The following DMD variants were observed in gnomAD, a reference collection of about 807,000 sequenced individuals.
DMD encodes mutant dystrophin.
Under a neutral mutation model 330.1 loss-of-function variants are expected in DMD, and 63 were observed. The observed-to-expected ratio is 0.19, with a 90% CI of 0.16 to 0.24. The LOEUF is 0.24. Among genes scored for constraint, DMD ranks in the 10% least tolerant of loss-of-function variants. The pLI is 1.00. For missense variants in DMD, 3,344 were observed against 2,684.1 expected (o/e 1.25, Z -5.43); for synonymous variants, 1,223 against 959.8 (o/e 1.27, Z -5.07).
chrX:33,192,866 T>C (rs2018342595), intron 1 of DMD, among the ~76,000 whole-genome samples: 1 of 112,349 alleles, frequency 8.9e-6, no homozygotes, highest in Non-Finnish European at 1.9e-5. Context: ...TTGCGACTTA[T>C]GCTATTAGAT....
chrX:32,543,652 T>A (rs926175903), intron 17 of DMD, among the ~76,000 whole-genome samples: 2 of 112,227 alleles, frequency 1.8e-5, no homozygotes, highest in African/African-American at 6.5e-5. Context: ...GCTTCACGGA[T>A]TTGTGCCATT....
intron 44 of DMD, among the ~76,000 whole-genome samples, chrX:32,124,432 C>T (rs1020041537): frequency 2.1e-4 from 24 of 112,028 alleles, no homozygotes; most frequent in African/African-American, 7.5e-4. Context: ...GCAAAAGAGA[C>T]CCAATTACTT....
chrX:32,991,238 G>GA (rs1221919814), intron 2 of DMD, among the ~76,000 whole-genome samples: 6 of 84,404 alleles, frequency 7.1e-5, no homozygotes, highest in East Asian at 3.8e-4. Flanking sequence ...TTTTTATGTA[G>GA]AAAAAAATCA....
intron 13 of DMD, among the ~76,000 whole-genome samples, chrX:32,594,838 C>A (rs1161923336): frequency 9.0e-6 from 1 of 111,697 alleles, no homozygotes; most frequent in African/African-American, 3.3e-5. Context: ...GGAAGCAGAG[C>A]ATTCCACGAC....
chrX:32,990,573 G>A (rs73621850), intron 2 of DMD, among the ~76,000 whole-genome samples: 253 of 111,951 alleles, frequency 2.3e-3, no homozygotes, highest in African/African-American at 8.0e-3. Context: ...TAGATTCTAT[G>A]CTATGCTGTC....
intron 2 of DMD, among the ~76,000 whole-genome samples, chrX:32,914,130 G>A (rs2087561438): frequency 9.0e-6 from 1 of 111,476 alleles, no homozygotes; most frequent in African/African-American, 3.3e-5. Context: ...CTCTCAGGGG[G>A]ATGCTTAGTC....
intron 49 of DMD, among the ~76,000 whole-genome samples, chrX:31,833,725 G>A (rs892516665): frequency 5.4e-5 from 6 of 111,027 alleles, no homozygotes; most frequent in African/African-American, 6.6e-5. Flanking sequence ...GGAGGTGAGC[G>A]TAGGAGCTGG....
chrX:33,059,478 A>G (rs2094557167), intron 1 of DMD, among the ~76,000 whole-genome samples: 1 of 111,137 alleles, frequency 9.0e-6, no homozygotes, highest in Admixed American at 9.7e-5. Context: ...AAGAAGGGTT[A>G]CAGAGCAAAT....
intron 2 of DMD, among the ~76,000 whole-genome samples, chrX:32,872,057 G>A (rs181476588): frequency 4.3e-4 from 48 of 111,419 alleles, no homozygotes; most frequent in Non-Finnish European, 8.3e-4. Context: ...CTGGATCCCA[G>A]TCATCGTTGG....
At chrX:33,285,485 A>G (rs1322883624) in intron 1 of DMD, among the ~76,000 whole-genome samples, 1 of 112,197 alleles carries the variant, frequency 8.9e-6, no homozygotes, top group Non-Finnish European at 1.9e-5. Flanking sequence ...TGGAGGATCA[A>G]ATAATATAAC....
chrX:31,134,186 C>T lies in DMD; in HGVS notation c.10930G>A (p.Asp3644Asn). Reference protein sequence around the residue: ...SQTSDSMGEEDLLSPPQDTST... With the variant: ...SQTSDSMGEENLLSPPQDTST... ...GTGTCCTGGGGAGGACTGAGAAGAT[C>T]TTCCTCACCTTAATAAAAGCAAAAA... Residue 3644 changes from aspartate (D) to asparagine (N), a missense_variant, in exon 77 of 79, where the codon GAT becomes AAT. Asp to Asn is a conservative substitution (Grantham distance 23). Coordinates refer to ENST00000357033, the MANE Select transcript of DMD (RefSeq NM_004006.3). 8.3e-7 allele frequency: 1 copy of T among 1,207,135 alleles called. No homozygotes were observed. Among genetic ancestry groups the T allele is most frequent in the Non-Finnish European group, 1.1e-6 (1 of 892,062 alleles).
At chrX:32,836,955 C>T (rs2079696442) in intron 4 of DMD, among the ~76,000 whole-genome samples, 1 of 111,533 alleles carries the variant, frequency 9.0e-6, no homozygotes. Flanking sequence ...AAGTGACTCT[C>T]AGCGTGTCTT....
chrX:32,218,513 C>T (rs779509381), intron 43 of DMD, among the ~76,000 whole-genome samples: 33 of 111,688 alleles, frequency 3.0e-4, no homozygotes, highest in African/African-American at 9.1e-4. Context: ...CTTTTGAATA[C>T]CATGATATCT....
At chrX:32,602,787 CA>C (rs1569288933) in intron 12 of DMD, among the ~76,000 whole-genome samples, 1 of 111,205 alleles carries the variant, frequency 9.0e-6, no homozygotes. Context: ...CCAAATGCCA[CA>C]ACATCTTCAA....
chrX:32,234,534 C>G lies in DMD; in HGVS notation c.6291-17471G>C, dbSNP rs2097180675. ...ATGGCCAGGGCATCAGAATTTTCAC[C>G]CAATATTTTAACATAACAAATTTCA... On this transcript the variant is annotated intron_variant, in intron 43 of 78. Coordinates refer to ENST00000357033, the MANE Select transcript of DMD (RefSeq NM_004006.3). Among the ~76,000 whole-genome samples the G allele has an allele frequency of 3.6e-5, 4 of 110,977 alleles. No individual in the cohort carries two copies. The South Asian group carries it at 1.5e-3, about 42-fold the overall frequency.
chrX:32,728,617 A>G (rs1235428475), intron 7 of DMD, among the ~76,000 whole-genome samples: 2 of 112,374 alleles, frequency 1.8e-5, no homozygotes, highest in Admixed American at 9.4e-5. Context: ...CTTATCAGAC[A>G]TTTCACCTTG....
intron 50 of DMD, among the ~76,000 whole-genome samples, chrX:31,775,025 C>A (rs1293193428): frequency 1.8e-5 from 2 of 111,391 alleles, no homozygotes; most frequent in East Asian, 5.6e-4. Context: ...TTGGTAAAGC[C>A]ACATAACCTC....
chrX:32,777,593 G>T (rs960457709), intron 7 of DMD, among the ~76,000 whole-genome samples: 1 of 111,125 alleles, frequency 9.0e-6, no homozygotes, highest in Non-Finnish European at 1.9e-5. Context: ...GGACTTCGCA[G>T]TTTTCCAAAA....
chrX:32,424,888 C>T (rs1053126496), intron 29 of DMD, among the ~76,000 whole-genome samples: 10 of 110,679 alleles, frequency 9.0e-5, no homozygotes, highest in Non-Finnish European at 1.9e-4. Context: ...GAAGAAGATA[C>T]TTCAGACTAG....
Sources: gnomAD v4.1 joint callset for allele counts (sites outside exome capture counted in the v4.1 genomes callset) on GRCh38, gnomAD v4.1.1 for gene constraint, MANE v1.5 for transcripts, NCBI Gene and HGNC (gene_info 2026-07-23, HGNC 2026-07-21) for gene names.